The following ROR1 variants were observed in gnomAD, a reference collection of about 807,000 sequenced individuals.
ROR1 encodes the protein ROR family WNT receptor 1.
In ROR1, 19 loss-of-function variants were observed where a neutral mutation model predicts 78.8. The ratio of observed to expected loss-of-function variants is 0.24; its 90% CI spans 0.17 to 0.35. The LOEUF is 0.35. Ranked by LOEUF, ROR1 falls within the 10% of genes least tolerant of loss-of-function variation. ROR1 has a pLI of 1.00. For synonymous variants in ROR1, 386 were observed against 433.6 expected, an observed-to-expected ratio of 0.89 and a Z score of 1.36; for missense variants, 917 against 1,177.8, an observed-to-expected ratio of 0.78 and a Z score of 3.24.
chr1:64,066,948 A>G (rs1646960845), intron 4 of ROR1, among the ~76,000 whole-genome samples: 1 of 152,196 alleles, frequency 6.6e-6, no homozygotes, highest in Non-Finnish European at 1.5e-5. Flanking sequence ...TTGTATAATA[A>G]TTATTATAAT....
intron 1 of ROR1, among the ~76,000 whole-genome samples, chr1:63,861,068 T>A (rs1001915020): frequency 6.6e-6 from 1 of 152,152 alleles, no homozygotes; most frequent in Non-Finnish European, 1.5e-5. Flanking sequence ...TTAGGTTGTC[T>A]TGAAAATAGC....
At position 64,140,430 on chromosome 1, in the gene ROR1, A is replaced by G; in HGVS notation, c.928+4A>G. ...ATGGCAGATCCTATAAATAAAAGTA[A>G]GTGGTAGCCCCTGACCTTCTGTGCT... On this transcript the variant is annotated splice_donor_region_variant and intron_variant, in intron 6 of 8. Transcript: ENST00000371079. 6.2e-7 allele frequency: 1 copy of G among 1,611,948 alleles called. No individual in the cohort carries two copies. Among genetic ancestry groups the G allele is most frequent in the South Asian group, 1.1e-5 (1 of 91,028 alleles).
intron 1 of ROR1, among the ~76,000 whole-genome samples, chr1:63,895,188 C>G (rs1374940728): frequency 1.3e-5 from 2 of 151,982 alleles, no homozygotes; most frequent in Admixed American, 6.6e-5. Context: ...GGATAGTTGG[C>G]CAATAAAGGT....
chr1:64,080,092 G>T (rs1647088597), intron 4 of ROR1, among the ~76,000 whole-genome samples: 1 of 152,142 alleles, frequency 6.6e-6, no homozygotes, highest in Non-Finnish European at 1.5e-5. Context: ...TTCTCATCAT[G>T]AAAGATGTTT....
intron 1 of ROR1, among the ~76,000 whole-genome samples, chr1:63,789,465 C>T (rs1316001658): frequency 6.6e-6 from 1 of 152,124 alleles, no homozygotes; most frequent in Admixed American, 6.5e-5. Context: ...TTGAGCTTTT[C>T]TGAAGTGAAA....
chr1:64,126,248 GA>G (rs980439738), intron 4 of ROR1, among the ~76,000 whole-genome samples: 6 of 152,204 alleles, frequency 3.9e-5, no homozygotes, highest in African/African-American at 7.2e-5. Flanking sequence ...TGAGAACCAA[GA>G]GGGGCAATGC....
intron 1 of ROR1, chr1:63,789,238 AGACCTTCTTCTTGCCACAGGGGAG>A: frequency 1.7e-6 from 1 of 588,588 alleles, no homozygotes; most frequent in Non-Finnish European, 3.2e-6. Context: ...GGGTCCAACC[AGACCTTCTTCTTGCCACAGGGGAG>A]GACCCTAGAG....
At chr1:63,839,094 C>G (rs1240139270) in intron 1 of ROR1, among the ~76,000 whole-genome samples, 1 of 152,190 alleles carries the variant, frequency 6.6e-6, no homozygotes, top group African/African-American at 2.4e-5. Context: ...TTTCTCAGAA[C>G]ATATCTGTTG....
At chr1:63,954,284 C>G (rs957612009) in intron 1 of ROR1, among the ~76,000 whole-genome samples, 1 of 152,182 alleles carries the variant, frequency 6.6e-6, no homozygotes, top group African/African-American at 2.4e-5. Context: ...AAAGTGAGGG[C>G]ACACCCAGCT....
intron 4 of ROR1, chr1:64,105,300 G>A (rs1280316277): frequency 6.6e-6 from 1 of 151,930 alleles, no homozygotes; most frequent in African/African-American, 2.4e-5. Context: ...ACTTTTTGAT[G>A]GGGTTATTTT....
chr1:63,804,264 C>T (rs2100259512), intron 1 of ROR1, among the ~76,000 whole-genome samples: 1 of 152,212 alleles, frequency 6.6e-6, no homozygotes, highest in Non-Finnish European at 1.5e-5. Context: ...AGAACGCACA[C>T]ACTCACACAC....
rs1272218098 is a variant in ROR1 at position 63,774,586 on chromosome 1, G to A, written c.91+78G>A. 6.3e-6 allele frequency: 5 copies of A among 794,430 alleles called. No homozygotes were observed. Among genetic ancestry groups the A allele is most frequent in the Non-Finnish European group, 7.8e-6 (5 of 644,134 alleles). 49.2% of individuals were successfully genotyped at this position (794,430 alleles called of 1,614,324 possible). A position where few individuals can be genotyped will look rare whatever the true frequency, so the allele number is the denominator to read the frequency against. On this transcript the variant is annotated intron_variant, in intron 1 of 8. Transcript: ENST00000371079. This position sits in a 1 kb window ranked among gnomAD's most constrained non-coding sequence, Gnocchi z 5.7. ...CCCTTCCGCCGTCCAGCCGGGCGCG[G>A]GACACGCAGGAAGCGCCGCGCTGGC...
intron 5 of ROR1, among the ~76,000 whole-genome samples, chr1:64,137,997 A>T (rs1649173636): frequency 6.6e-6 from 1 of 152,222 alleles, no homozygotes; most frequent in Non-Finnish European, 1.5e-5. Flanking sequence ...ATGAAGCAAG[A>T]TGACCATTGG....
intron 1 of ROR1, among the ~76,000 whole-genome samples, chr1:63,836,551 C>A (rs760671215): frequency 6.6e-6 from 1 of 152,080 alleles, no homozygotes; most frequent in South Asian, 2.1e-4. Flanking sequence ...GCCCAAGAGA[C>A]GATACTAAAG....
At chr1:63,843,404 C>T in intron 1 of ROR1, 2 of 746,214 alleles carry the variant, frequency 2.7e-6, no homozygotes, top group Non-Finnish European at 4.9e-6. Context: ...GGTCCTCCTC[C>T]TTGCTCTCCT....
intron 1 of ROR1, among the ~76,000 whole-genome samples, chr1:63,857,129 AGTATCT>A (rs1211737745): frequency 6.6e-6 from 1 of 151,842 alleles, no homozygotes; most frequent in Non-Finnish European, 1.5e-5. Flanking sequence ...CAATTTTCAA[AGTATCT>A]GTTGTTGAAC....
rs915038146 is a variant in ROR1, at chr1:63,908,159, C to T, written c.92-101146C>T. Among the ~76,000 whole-genome samples the T allele has an allele frequency of 3.3e-5, 5 of 152,296 alleles. No homozygotes were observed. The South Asian group carries it at 1.0e-3, about 32-fold the overall frequency. On this transcript the variant is annotated intron_variant, in intron 1 of 8. Coordinates refer to ENST00000371079, the MANE Select transcript of ROR1 (RefSeq NM_005012.4). Reference sequence around the variant, plus strand: ...ATAAGGAAACTGAAGGCTGGATTTGCTGAGATCATATAGCCAAGAGTTGTC... The same window carrying T: ...ATAAGGAAACTGAAGGCTGGATTTGTTGAGATCATATAGCCAAGAGTTGTC...
intron 1 of ROR1, among the ~76,000 whole-genome samples, chr1:63,947,312 T>TA (rs1377532826): frequency 1.3e-5 from 2 of 152,202 alleles, no homozygotes; most frequent in East Asian, 1.9e-4. Context: ...TCTATGCTAA[T>TA]ATGGCATTCT....
chr1:63,788,672 A>G, intron 1 of ROR1: 1 of 241,994 alleles, frequency 4.1e-6, no homozygotes, highest in Non-Finnish European at 8.5e-6. Flanking sequence ...TGGCTGATCT[A>G]TATAATCACA....
Sources: gnomAD v4.1 joint callset for allele counts (sites outside exome capture counted in the v4.1 genomes callset) on GRCh38, gnomAD v4.1.1 for gene constraint, Gnocchi (gnomAD v3.1) non-coding constraint, MANE v1.5 for transcripts, NCBI Gene and HGNC (gene_info 2026-07-23, HGNC 2026-07-21) for gene names.